The following LLGL2 variants were observed in gnomAD, a reference collection of about 807,000 sequenced individuals.
The protein encoded by LLGL2 is LLGL2, scribble cell polarity complex component.
LLGL2 carries 81 observed loss-of-function variants against 123.2 expected under a neutral mutation model. That is an observed-to-expected ratio of 0.66 (90% CI 0.55 to 0.79). The LOEUF (loss-of-function observed/expected upper bound fraction) is 0.79, where lower values mean the gene tolerates loss of function less well. Among genes scored for constraint, LLGL2 ranks in the 30% least tolerant of loss-of-function variants. The probability of loss-of-function intolerance (pLI) is 0.00; values close to 1 mark genes in which losing one functional copy is unlikely to be tolerated. For missense variants in LLGL2, 1,273 were observed against 1,414.6 expected (o/e 0.90, Z 1.61); for synonymous variants, 577 against 594.1 (o/e 0.97, Z 0.42).
In LLGL2 at chr17:75,568,988, G is replaced by A. The variant is rs778569645; in HGVS notation, c.1333G>A (p.Gly445Ser). ...GGGTTCTGCCCACAGGCACGAGGAC[G>A]GCACGGTGCGGTTCTGGGATGCCTC... The part of the protein sequence containing the change: ...RDLLLTGHED[G>S]TVRFWDASGV... The change falls in exon 13 of 26, where the codon GGC becomes AGC. Residue 445 changes from glycine to serine, a missense_variant. Coordinates refer to ENST00000392550, the MANE Select transcript of LLGL2 (RefSeq NM_001031803.2). 62 of 1,612,550 alleles carry A rather than the reference G, an allele frequency of 3.8e-5. 1 individual carries two copies. The South Asian group carries it at 5.1e-4, about 13-fold the overall frequency.
At chr17:75,571,235 C>T in intron 17 of LLGL2, 135 bp downstream of exon 17, 1 of 811,034 alleles carries the variant, frequency 1.2e-6, no homozygotes, top group Non-Finnish European at 2.0e-6. Flanking sequence ...CAGGGGCAGA[C>T]TGCAGCCCCT....
chr17:75,572,671 A>AAAAAAG (rs2055775634), intron 19 of LLGL2, among the ~76,000 whole-genome samples: 1 of 151,292 alleles, frequency 6.6e-6, no homozygotes, highest in Non-Finnish European at 1.5e-5. Flanking sequence ...TCTCAAAAAA[A>AAAAAAG]AAAAAAAAAA....
At chr17:75,543,105 G>T (rs558900017) in intron 1 of LLGL2, 8 of 220,204 alleles carry the variant, frequency 3.6e-5, no homozygotes, top group Non-Finnish European at 6.2e-5. Context: ...CTCAGGGCCC[G>T]CCGGCCCTCC....
At chr17:75,570,768 G>A (rs532491104) in intron 16 of LLGL2, among the ~76,000 whole-genome samples, 182 bp from the exon 17 acceptor site, 1 of 152,286 alleles carries the variant, frequency 6.6e-6, no homozygotes, top group African/African-American at 2.4e-5. Flanking sequence ...ACATGCTGGG[G>A]GCCCAGGCAG....
intron 2 of LLGL2, among the ~76,000 whole-genome samples, chr17:75,555,142 A>C (rs1219098001): frequency 6.6e-6 from 1 of 150,668 alleles, no homozygotes; most frequent in Non-Finnish European, 1.5e-5. Flanking sequence ...GCACCACTGC[A>C]CTCCAGCCTG....
intron 1 of LLGL2, chr17:75,542,720 A>T (rs11652614): frequency 0.82 from 124,930 of 152,410 alleles, 51,591 homozygotes; most frequent in Non-Finnish European, 0.88. Flanking sequence ...GACTGGGGCT[A>T]GCCAGAGAGA....
Position 75,571,675 on chromosome 17 carries a change from C to T in LLGL2, c.2185C>T (p.His729Tyr). Reference protein sequence around the residue: ...ADTYLKDSSRHCPSLWAGTNG... With the variant: ...ADTYLKDSSRYCPSLWAGTNG... Reference sequence around the variant, plus strand: ...ACATGGCTTCTCGGCAGGCTCCCGGCACTGCCCCTCGCTGTGGGCTGGCAC... The same window carrying T: ...ACATGGCTTCTCGGCAGGCTCCCGGTACTGCCCCTCGCTGTGGGCTGGCAC... Residue 729 changes from histidine to tyrosine, a missense_variant, in exon 18 of 26, where the codon CAC becomes TAC. Coordinates refer to ENST00000392550, the MANE Select transcript of LLGL2 (RefSeq NM_001031803.2). 1.2e-6 allele frequency: 2 copies of T among 1,607,586 alleles called. No homozygotes were observed. The highest frequency in any genetic ancestry group is 1.1e-5 in the South Asian group (1 of 91,050).
In LLGL2 at chr17:75,559,301, T is replaced by C. The variant is rs765704394; in HGVS notation, c.421T>C (p.Cys141Arg). ...QITVVLPHSS[C>R]ELLYLGTESG... is the part of the protein sequence containing the mutation. ...CACCGTGGTCCTGCCACATTCCTCC[T>C]GCGAGCTGCTCTACCTGGGCACCGA... is the stretch of plus-strand genomic sequence containing the variant. The change falls in exon 6 of 26, where the codon TGC (cysteine) becomes CGC (arginine). Residue 141 changes from cysteine to arginine, a missense_variant. Transcript: ENST00000392550. The surrounding 1 kb of genome is among the most constrained non-coding windows in gnomAD (Gnocchi z 4.6). The C allele has an allele frequency of 1.4e-5, 23 of 1,613,132 alleles. 1 individual carries two copies. In the South Asian group the frequency reaches 2.5e-4, roughly 18 times the overall value.
intron 2 of LLGL2, among the ~76,000 whole-genome samples, chr17:75,547,820 G>A (rs1479547645): frequency 1.4e-4 from 16 of 111,220 alleles, no homozygotes; most frequent in African/African-American, 7.2e-4. Context: ...GTGAGACCCT[G>A]TCTCAAAAAA....
chr17:75,563,623 T>C (rs989998656), intron 8 of LLGL2, 129 bp from the exon 9 acceptor site: 1 of 1,474,214 alleles, frequency 6.8e-7, no homozygotes, highest in Non-Finnish European at 9.4e-7. Context: ...GGGGAACTTC[T>C]CGGAGCAAGA....
chr17:75,550,204 C>T (rs749334626), intron 2 of LLGL2, among the ~76,000 whole-genome samples: 7 of 152,346 alleles, frequency 4.6e-5, no homozygotes, highest in South Asian at 2.1e-4. Context: ...TGCCCCGTCC[C>T]GCCCTCTGTC....
intron 14 of LLGL2, 92 bp from the exon 15 acceptor site, chr17:75,569,871 G>T: frequency 7.2e-7 from 1 of 1,380,006 alleles, no homozygotes; most frequent in Non-Finnish European, 9.8e-7. Context: ...TGAGCCTTGG[G>T]CCCAGCTCCT....
intron 2 of LLGL2, among the ~76,000 whole-genome samples, chr17:75,553,185 T>C (rs1598574821): frequency 6.6e-6 from 1 of 152,242 alleles, no homozygotes; most frequent in East Asian, 1.9e-4. Context: ...CTCTGCATTT[T>C]TCGCATAGCT....
chr17:75,571,460 G>A, intron 17 of LLGL2: 2 of 593,074 alleles, frequency 3.4e-6, no homozygotes, highest in South Asian at 4.1e-5. Flanking sequence ...CAGATGACGT[G>A]TCTCTCCCTG....
intron 1 of LLGL2, among the ~76,000 whole-genome samples, chr17:75,531,370 G>A (rs766123925): frequency 3.9e-5 from 6 of 152,162 alleles, no homozygotes; most frequent in African/African-American, 9.7e-5. Context: ...CGGCCTTCCT[G>A]GTCTTTCCAG....
At position 75,559,336 on chromosome 17, in the gene LLGL2, C is replaced by T. The variant is rs367612817; in HGVS notation, c.456C>T (p.Asn152=). 2.2e-5 allele frequency: 35 copies of T among 1,613,484 alleles called. No individual in the cohort carries two copies. The highest frequency in any genetic ancestry group is 1.8e-4 in the South Asian group (16 of 91,084). The change falls in exon 6 of 26, where the codon AAC becomes AAT. Residue 152 remains asparagine, a synonymous_variant. Coordinates refer to ENST00000392550, the MANE Select transcript of LLGL2 (RefSeq NM_001031803.2). This position sits in a 1 kb window ranked among gnomAD's most constrained non-coding sequence, Gnocchi z 4.6. ...TCTACCTGGGCACCGAGAGTGGCAA[C>T]GTGTTTGTGGTGCAGCTGCCAGCTT... The part of the protein sequence containing the change: ...ELLYLGTESG[N]VFVVQLPAFR...
At chr17:75,574,055 G>A (rs1568082216) in intron 22 of LLGL2, 75 bp downstream of exon 22, 2 of 1,550,158 alleles carry the variant, frequency 1.3e-6, no homozygotes, top group African/African-American at 1.4e-5. Flanking sequence ...GGGAGGGAAG[G>A]GTCCCGAGTG....
chr17:75,570,896 G>C, intron 16 of LLGL2, 54 bp from the exon 17 acceptor site: 1 of 1,545,754 alleles, frequency 6.5e-7, no homozygotes. Flanking sequence ...GCGAAGCACT[G>C]TTCCTGGGGA....
chr17:75,556,514 A>C (rs913768736), intron 3 of LLGL2, among the ~76,000 whole-genome samples: 1 of 152,074 alleles, frequency 6.6e-6, no homozygotes, highest in Non-Finnish European at 1.5e-5. Context: ...GGAATCCCCC[A>C]GTCCCGGGCA....
Sources: allele counts gnomAD v4.1 joint callset (sites outside exome capture counted in the v4.1 genomes callset), GRCh38; gene constraint gnomAD v4.1.1; non-coding constraint Gnocchi (gnomAD v3.1); transcripts MANE v1.5; gene names NCBI Gene and HGNC (gene_info 2026-07-23, HGNC 2026-07-21).